The following P3H1 variants were observed in gnomAD, a reference collection of about 807,000 sequenced individuals.
P3H1 encodes the protein growth suppressor 1.
In P3H1, 69 loss-of-function variants were observed where a neutral mutation model predicts 84.0. That is an observed-to-expected ratio of 0.82 (90% CI 0.68 to 1.00). The LOEUF (loss-of-function observed/expected upper bound fraction) is 1.00, where lower values mean the gene tolerates loss of function less well. Ranked by LOEUF, P3H1 falls within the 50% of genes least tolerant of loss-of-function variation. The pLI is 0.00. For synonymous variants in P3H1, 366 were observed against 388.8 expected (o/e 0.94, Z 0.69); for missense variants, 878 against 962.8 (o/e 0.91, Z 1.17).
intron 1 of P3H1, among the ~76,000 whole-genome samples, chr1:42,763,623 G>A (rs1365903638): frequency 8.2e-6 from 1 of 121,812 alleles, no homozygotes; most frequent in African/African-American, 3.2e-5. Flanking sequence ...AGCGAGCCGA[G>A]ATCACAGCAC....
At chr1:42,749,398 G>C (rs2124089047) in intron 11 of P3H1, among the ~76,000 whole-genome samples, 1 of 152,334 alleles carries the variant, frequency 6.6e-6, no homozygotes. Flanking sequence ...GGCCACATAG[G>C]ATCCTTGCAG....
chr1:42,748,300 T>C lies in P3H1; in HGVS notation c.1738A>G (p.Lys580Glu). The C allele has an allele frequency of 1.2e-6, 2 of 1,613,226 alleles. No homozygotes were observed. Among genetic ancestry groups the C allele is most frequent in the East Asian group, 2.2e-5 (1 of 44,874 alleles). The change falls in exon 12 of 15, where the codon AAG becomes GAG. Residue 580 changes from lysine (K) to glutamate (E), a missense_variant. By Grantham distance (56) the Lys-to-Glu change is moderately conservative. Coordinates refer to ENST00000296388, the MANE Select transcript of P3H1 (RefSeq NM_022356.4). ...ACGTGGACTGGATGACTATCATCCTTCCTCTCTGCCTGGACCTCTGGGGCC... is the reference window on the plus strand; with the variant it reads ...ACGTGGACTGGATGACTATCATCCTCCCTCTCTGCCTGGACCTCTGGGGCC... The part of the protein sequence containing the change: ...TAIEEVQAER[K>E]DDSHPVHVDN...
intron 1 of P3H1, 145 bp from the exon 2 acceptor site, chr1:42,762,620 G>A (rs1336562125): frequency 1.2e-6 from 1 of 826,866 alleles, no homozygotes; most frequent in Non-Finnish European, 2.0e-6. Flanking sequence ...GCCCCAGGAA[G>A]CACACCTATT....
intron 11 of P3H1, among the ~76,000 whole-genome samples, chr1:42,749,705 A>G (rs996755112): frequency 6.6e-6 from 1 of 152,148 alleles, no homozygotes; most frequent in African/African-American, 2.4e-5. Flanking sequence ...AGTACTCCGT[A>G]ATCGTATTCA....
Position 42,747,260 on chromosome 1 carries a change from A to G in P3H1, c.2055+12T>C, listed in dbSNP as rs372785606. ...AGCACCAGCTGCTCTCACCCGCTCG[A>G]GCTGCTCTCACCCGCTCGCTGTGTC... On this transcript the variant is annotated intron_variant, in intron 14 of 14. Coordinates refer to ENST00000296388, the MANE Select transcript of P3H1 (RefSeq NM_022356.4). 1.2e-4 allele frequency: 195 copies of G among 1,613,478 alleles called. No homozygotes were observed. Among genetic ancestry groups the G allele is most frequent in the Non-Finnish European group, 1.6e-4 (190 of 1,179,638 alleles).
intron 2 of P3H1, chr1:42,762,092 A>C: frequency 3.9e-6 from 2 of 509,086 alleles, no homozygotes; most frequent in Non-Finnish European, 7.1e-6. Context: ...TCTGTAATGT[A>C]ATTAGAAAAC....
intron 1 of P3H1, among the ~76,000 whole-genome samples, chr1:42,762,901 G>A (rs768518863): frequency 7.2e-5 from 11 of 152,080 alleles, no homozygotes; most frequent in Admixed American, 2.6e-4. Context: ...AGACCAGTCT[G>A]GGCAACATGG....
At chr1:42,747,128 G>A in intron 14 of P3H1, 144 bp downstream of exon 14, 1 of 1,614,200 alleles carries the variant, frequency 6.2e-7, no homozygotes, top group Non-Finnish European at 8.5e-7. Context: ...ATAATGACAG[G>A]GCGTTGGAGC....
chr1:42,759,303 A>G lies in P3H1; in HGVS notation c.706T>C (p.Phe236Leu). 6.2e-7 allele frequency: 1 copy of G among 1,614,154 alleles called. No individual in the cohort carries two copies. Among genetic ancestry groups the G allele is most frequent in the Non-Finnish European group, 8.5e-7 (1 of 1,180,020 alleles). The stretch of plus-strand genomic sequence containing the variant: ...GCACGGCACTCCTCATAGGCCACAA[A>G]GTATTCTTGCAGCGCCGCCTCTAGG... Reference protein sequence around the residue: ...PHLEAALQEYFVAYEECRALC... With the variant: ...PHLEAALQEYLVAYEECRALC... The change falls in exon 3 of 15, where the codon TTT becomes CTT. Residue 236 changes from phenylalanine to leucine, a missense_variant. Physicochemically the swap from Phe to Leu is conservative, Grantham distance 22 (BLOSUM62 0). Coordinates refer to ENST00000296388, the MANE Select transcript of P3H1 (RefSeq NM_022356.4).
intron 10 of P3H1, among the ~76,000 whole-genome samples, 184 bp from the exon 11 acceptor site, chr1:42,750,520 C>T (rs112128048): frequency 0.013 from 2,037 of 152,304 alleles, 36 homozygotes; most frequent in African/African-American, 0.046. Context: ...GAATAAGTCT[C>T]ACGAGATCTG....
intron 11 of P3H1, 54 bp from the exon 12 acceptor site, chr1:42,748,371 C>T (rs1357699064): frequency 1.5e-6 from 2 of 1,345,408 alleles, no homozygotes; most frequent in Non-Finnish European, 2.1e-6. Flanking sequence ...GACGGCATAG[C>T]TCTCTTCTTG....
At chr1:42,764,423 CAAAAAAA>C (rs769981372) in intron 1 of P3H1, among the ~76,000 whole-genome samples, 2 of 84,930 alleles carry the variant, frequency 2.4e-5, no homozygotes, top group African/African-American at 4.8e-5. Context: ...GACTCCATCT[CAAAAAAA>C]AAAAAAAAAA....
intron 1 of P3H1, among the ~76,000 whole-genome samples, chr1:42,762,722 A>G (rs1334689166): frequency 6.6e-6 from 1 of 152,212 alleles, no homozygotes; most frequent in Non-Finnish European, 1.5e-5. Flanking sequence ...CCCAGATTAC[A>G]GGAAGTAGCA....
At position 42,766,923 on chromosome 1, in the gene P3H1, C is replaced by G. The variant is rs748046817; in HGVS notation, c.49G>C (p.Ala17Pro). Reference sequence around the variant, plus strand: ...TCGACCTCGGCTTGGGAGGCAGCGGCCACGACAGCCAGCAGTGTGGTCAGC... The same window carrying G: ...TCGACCTCGGCTTGGGAGGCAGCGGGCACGACAGCCAGCAGTGTGGTCAGC... ...KLLTTLLAVVAAASQAEVESE... is the reference protein window; with the variant it reads ...KLLTTLLAVVPAASQAEVESE... Residue 17 changes from alanine to proline, a missense_variant, in exon 1 of 15, where the codon GCC (alanine) becomes CCC (proline). Physicochemically the swap from Ala to Pro is conservative, Grantham distance 27. Coordinates refer to ENST00000296388, the MANE Select transcript of P3H1 (RefSeq NM_022356.4). 6.2e-7 allele frequency: 1 copy of G among 1,609,300 alleles called. No individual in the cohort carries two copies. The highest frequency in any genetic ancestry group is 1.1e-5 in the South Asian group (1 of 91,080).
chr1:42,766,108 G>A (rs1652982013), intron 1 of P3H1, among the ~76,000 whole-genome samples: 1 of 151,550 alleles, frequency 6.6e-6, no homozygotes, highest in African/African-American at 2.4e-5. Flanking sequence ...TCAAACAGCA[G>A]GAAAAGCACC....
Position 42,766,921 on chromosome 1 carries a change from G to A in P3H1, c.51C>T (p.Ala17=). Residue 17 remains alanine, a synonymous_variant, in exon 1 of 15, where the codon GCC becomes GCT. Transcript: ENST00000296388. ...KLLTTLLAVV[A]AASQAEVESE... Reference sequence around the variant, plus strand: ...ACTCGACCTCGGCTTGGGAGGCAGCGGCCACGACAGCCAGCAGTGTGGTCA... The same window carrying A: ...ACTCGACCTCGGCTTGGGAGGCAGCAGCCACGACAGCCAGCAGTGTGGTCA... 1.9e-6 allele frequency: 3 copies of A among 1,609,338 alleles called. No individual in the cohort carries two copies. The highest frequency in any genetic ancestry group is 2.5e-6 in the Non-Finnish European group (3 of 1,179,816).
intron 6 of P3H1, 41 bp downstream of exon 6, chr1:42,755,507 C>G: frequency 6.5e-7 from 1 of 1,527,902 alleles, no homozygotes; most frequent in Non-Finnish European, 9.1e-7. Flanking sequence ...CTCCTGCTCA[C>G]TCTTTCCCCG....
rs1043265003 is a variant in P3H1 at position 42,767,000 on chromosome 1, G to T, written c.-29C>A. ...TCCCTCAGACCTAACGGAACCGCCA[G>T]CCACCCGCCACCAAGGCCGGAGTCC... On this transcript the variant is annotated 5_prime_UTR_variant, in exon 1 of 15. In the 5' UTR this introduces an upstream ATG that the reference lacks. Transcript: ENST00000296388. The T allele has an allele frequency of 1.3e-6, 2 of 1,598,506 alleles. No homozygotes were observed. The highest frequency in any genetic ancestry group is 2.0e-4 in the Middle Eastern group (1 of 4,992).
intron 1 of P3H1, among the ~76,000 whole-genome samples, chr1:42,765,745 A>AC (rs1297754504): frequency 6.6e-6 from 1 of 150,936 alleles, no homozygotes; most frequent in African/African-American, 2.4e-5. Context: ...TTCTCCCCCC[A>AC]CCCCCAATAC....
Sources: allele counts gnomAD v4.1 joint callset (sites outside exome capture counted in the v4.1 genomes callset), GRCh38; gene constraint gnomAD v4.1.1; transcripts MANE v1.5; gene names NCBI Gene and HGNC (gene_info 2026-07-23, HGNC 2026-07-21).